SPOCK3: variants seen among roughly 807,000 people sequenced by gnomAD.
SPOCK3 encodes SPARC (osteonectin), cwcv and kazal like domains proteoglycan 3, also known as testican-3.
In SPOCK3, 30 loss-of-function variants were observed where a neutral mutation model predicts 56.6. The ratio of observed to expected loss-of-function variants is 0.53; its 90% CI spans 0.40 to 0.72. SPOCK3 has a LOEUF of 0.72. Ranked by LOEUF, SPOCK3 falls within the 30% of genes least tolerant of loss-of-function variation. The pLI is 0.00. For synonymous variants in SPOCK3, 196 were observed against 183.3 expected (o/e 1.07, Z -0.56); for missense variants, 527 against 530.0 (o/e 0.99, Z 0.06).
chr4:166,848,795 C>T (rs1748369807), intron 6 of SPOCK3, among the ~76,000 whole-genome samples: 2 of 152,152 alleles, frequency 1.3e-5, no homozygotes, highest in South Asian at 4.1e-4. Flanking sequence ...GTAATTTCTC[C>T]CTGTATGCTA....
chr4:167,041,973 T>C (rs960831602), intron 3 of SPOCK3, among the ~76,000 whole-genome samples: 5 of 152,248 alleles, frequency 3.3e-5, no homozygotes, highest in Admixed American at 2.6e-4. Flanking sequence ...ATAATAAGCA[T>C]TGCATTAAAC....
chr4:167,065,693 C>T (rs1756057097), intron 2 of SPOCK3, among the ~76,000 whole-genome samples: 1 of 151,562 alleles, frequency 6.6e-6, no homozygotes, highest in African/African-American at 2.4e-5. Flanking sequence ...AACAAAAAAA[C>T]AAAAAAATAG....
chr4:166,918,009 A>G (rs1331824696), intron 4 of SPOCK3, among the ~76,000 whole-genome samples: 4 of 152,108 alleles, frequency 2.6e-5, no homozygotes, highest in Non-Finnish European at 5.9e-5. Flanking sequence ...TACACCTACT[A>G]TTTCACGTCC....
chr4:166,858,183 A>C (rs1331367873), intron 6 of SPOCK3, among the ~76,000 whole-genome samples: 2 of 152,178 alleles, frequency 1.3e-5, no homozygotes, highest in Non-Finnish European at 2.9e-5. Flanking sequence ...ACCCAATTTA[A>C]TACCACATAG....
At chr4:166,992,353 C>T (rs950559595) in intron 4 of SPOCK3, among the ~76,000 whole-genome samples, 4 of 152,162 alleles carry the variant, frequency 2.6e-5, no homozygotes, top group African/African-American at 9.6e-5. Flanking sequence ...CTATCACTGA[C>T]ATCACCTATG....
At chr4:167,105,974 C>T (rs539981790) in intron 2 of SPOCK3, among the ~76,000 whole-genome samples, 2 of 151,790 alleles carry the variant, frequency 1.3e-5, no homozygotes, top group Non-Finnish European at 2.9e-5. Context: ...CTGGAGCACC[C>T]AGATACATAA....
chr4:167,109,357 TATA>T (rs1760625561), intron 2 of SPOCK3, among the ~76,000 whole-genome samples: 1 of 37,746 alleles, frequency 2.6e-5, no homozygotes, highest in Non-Finnish European at 5.1e-5. Context: ...AAAATAAATA[TATA>T]TTTATATATA....
Position 167,233,826 on chromosome 4 carries a change from C to T in SPOCK3, c.189+159G>A, listed in dbSNP as rs573999472. Among the ~76,000 whole-genome samples the T allele has an allele frequency of 3.3e-5, 5 of 152,208 alleles. No homozygotes were observed. The East Asian group carries it at 5.8e-4, about 18-fold the overall frequency. The stretch of plus-strand genomic sequence containing the variant: ...CCTTGAACCAGCTGGGAGGGGGCAG[C>T]GGAACTGTGAACTTCTCCAGCAGCC... On this transcript the variant is annotated intron_variant, in intron 2 of 10. Transcript: ENST00000357545.
chr4:166,742,230 CTATCATCTATCTATCT>C (rs1156347678), intron 8 of SPOCK3, among the ~76,000 whole-genome samples, 171 bp from the exon 9 acceptor site: 5,580 of 145,052 alleles, frequency 0.038, 333 homozygotes, highest in African/African-American at 0.13. Flanking sequence ...ATGTGTCTAT[CTATCATCTATCTATCT>C]ATCTATCTAT....
rs1051662462 is a variant in SPOCK3 at position 166,837,677 on chromosome 4, G to A, written c.590-45388C>T. 2.0e-5 allele frequency among the ~76,000 whole-genome samples: 3 copies of A among 152,106 alleles called. No individual in the cohort carries two copies. The East Asian group carries it at 5.8e-4, about 29-fold the overall frequency. On this transcript the variant is annotated intron_variant, in intron 6 of 10. Transcript: ENST00000357545. ...TAGAATCACGTTAGACAGTTATAAT[G>A]TTTGCTTCTATCCTCAAACATAATT...
intron 7 of SPOCK3, among the ~76,000 whole-genome samples, chr4:166,782,522 C>T (rs1255433629): frequency 6.6e-6 from 1 of 152,030 alleles, no homozygotes; most frequent in African/African-American, 2.4e-5. Flanking sequence ...ATACATGTTC[C>T]TTTTATGTGC....
chr4:166,838,323 G>C (rs1746847902), intron 6 of SPOCK3, among the ~76,000 whole-genome samples: 1 of 152,060 alleles, frequency 6.6e-6, no homozygotes, highest in Admixed American at 6.5e-5. Flanking sequence ...TTTTGTGGTA[G>C]TCTCACAGAT....
intron 3 of SPOCK3, among the ~76,000 whole-genome samples, chr4:167,020,204 G>C (rs1294815933): frequency 6.6e-6 from 1 of 152,048 alleles, no homozygotes; most frequent in Non-Finnish European, 1.5e-5. Flanking sequence ...TATGAAAATA[G>C]ATACAGCAGT....
chr4:167,112,323 T>C (rs1266504350), intron 2 of SPOCK3, among the ~76,000 whole-genome samples: 1 of 152,108 alleles, frequency 6.6e-6, no homozygotes, highest in Non-Finnish European at 1.5e-5. Flanking sequence ...ATGTTACAAG[T>C]ATGCAACTCC....
chr4:166,954,136 G>T (rs1010235036), intron 4 of SPOCK3, among the ~76,000 whole-genome samples: 1 of 152,104 alleles, frequency 6.6e-6, no homozygotes, highest in Non-Finnish European at 1.5e-5. Flanking sequence ...AAATCAGGTT[G>T]TTTTCTATTG....
chr4:166,959,948 G>A (rs1362937535), intron 4 of SPOCK3, among the ~76,000 whole-genome samples: 2 of 151,980 alleles, frequency 1.3e-5, no homozygotes, highest in Non-Finnish European at 2.9e-5. Flanking sequence ...CACAATAAAA[G>A]CATATTAGAC....
chr4:167,207,401 C>T (rs1311424376), intron 2 of SPOCK3, among the ~76,000 whole-genome samples: 1 of 151,408 alleles, frequency 6.6e-6, no homozygotes, highest in Non-Finnish European at 1.5e-5. Context: ...GTCTAACTTT[C>T]TAATAAAAAA....
chr4:166,982,191 C>G (rs1746656098), intron 4 of SPOCK3, among the ~76,000 whole-genome samples: 1 of 152,212 alleles, frequency 6.6e-6, no homozygotes, highest in African/African-American at 2.4e-5. Context: ...CATGCCTCCC[C>G]TGTTGCAGCC....
At chr4:166,804,821 T>C (rs576363191) in intron 6 of SPOCK3, among the ~76,000 whole-genome samples, 113 of 152,214 alleles carry the variant, frequency 7.4e-4, no homozygotes, top group Middle Eastern at 6.8e-3. Context: ...AATACACTGA[T>C]TAGGCAGCCA....
Sources: gnomAD v4.1 joint callset for allele counts (sites outside exome capture counted in the v4.1 genomes callset) on GRCh38, gnomAD v4.1.1 for gene constraint, MANE v1.5 for transcripts, NCBI Gene and HGNC (gene_info 2026-07-23, HGNC 2026-07-21) for gene names.